NRG1: variants seen among roughly 807,000 people sequenced by gnomAD.
NRG1 encodes pro-neuregulin-1, membrane-bound isoform.
NRG1 carries 18 observed loss-of-function variants against 63.8 expected under a neutral mutation model. That is an observed-to-expected ratio of 0.28 (90% CI 0.19 to 0.42). NRG1 has a LOEUF of 0.42. NRG1 is among the 10% of genes least tolerant of loss of function. NRG1 has a pLI of 1.00. For missense variants in NRG1, 762 were observed against 814.7 expected, an observed-to-expected ratio of 0.94 and a Z score of 0.79; for synonymous variants, 302 against 301.3, an observed-to-expected ratio of 1.00 and a Z score of -0.02.
In NRG1 at chr8:31,787,345, G is replaced by T. The variant is rs112038819; in HGVS notation, c.37+147914G>T. Among the ~76,000 whole-genome samples the T allele has an allele frequency of 8.0e-4, 122 of 152,248 alleles. 1 individual carries two copies. The highest frequency in any genetic ancestry group is 2.8e-3 in the African/African-American group (118 of 41,550). On this transcript the variant is annotated intron_variant, in intron 1 of 10. Transcript: ENST00000519301. ...TTGCCCAGGCATTAGATTTTCTGTT[G>T]CAGTGATAGCAGGGATTTAAATAAT... is the stretch of plus-strand genomic sequence containing the variant.
chr8:32,378,550 G>A (rs4733320), intron 1 of NRG1, among the ~76,000 whole-genome samples: 137,881 of 152,174 alleles, frequency 0.91, 63,176 homozygotes, highest in Non-Finnish European at 0.95. Flanking sequence ...TTACAGGAAA[G>A]ATCAAGGGAT....
At chr8:32,152,380 C>T (rs1837599445) in intron 1 of NRG1, among the ~76,000 whole-genome samples, 1 of 152,116 alleles carries the variant, frequency 6.6e-6, no homozygotes, top group Admixed American at 6.5e-5. Flanking sequence ...TCAAACATGT[C>T]TAGAGTTATA....
At chr8:31,712,990 CA>C (rs1334517443) in intron 1 of NRG1, among the ~76,000 whole-genome samples, 2,726 of 42,978 alleles carry the variant, frequency 0.063, 70 homozygotes, top group African/African-American at 0.17. Flanking sequence ...TCCACCCATC[CA>C]TCCATCCATC....
At chr8:32,214,171 CAG>C (rs751285111) in intron 1 of NRG1, among the ~76,000 whole-genome samples, 6 of 152,198 alleles carry the variant, frequency 3.9e-5, no homozygotes, top group South Asian at 4.2e-4. Flanking sequence ...TTTAGGCAAA[CAG>C]GGGCAGGGCA....
chr8:32,273,507 A>G lies in NRG1; in HGVS notation c.38-322321A>G, dbSNP rs1293022354. On this transcript the variant is annotated intron_variant, in intron 1 of 10. Coordinates refer to the NRG1 transcript ENST00000519301. ...AAAGGCAGATGATTTTAGGGGATAAAAAACCTAAAATAAGAAGTGTTGCTA... is the reference window on the plus strand; with the variant it reads ...AAAGGCAGATGATTTTAGGGGATAAGAAACCTAAAATAAGAAGTGTTGCTA... 2.0e-5 allele frequency among the ~76,000 whole-genome samples: 3 copies of G among 152,306 alleles called. No homozygotes were observed. In the East Asian group the frequency reaches 5.8e-4, roughly 29 times the overall value.
At chr8:32,201,081 T>G (rs1287162165) in intron 1 of NRG1, among the ~76,000 whole-genome samples, 1 of 152,206 alleles carries the variant, frequency 6.6e-6, no homozygotes, top group Admixed American at 6.5e-5. Context: ...ACCTTGTCCA[T>G]ACACTTGTCA....
At chr8:32,252,138 T>A (rs571875215) in intron 1 of NRG1, among the ~76,000 whole-genome samples, 2 of 152,302 alleles carry the variant, frequency 1.3e-5, no homozygotes, top group South Asian at 4.1e-4. Context: ...TCTCTCATTC[T>A]GTAGGTTGCC....
chr8:32,567,884 T>TA (rs1228789963), intron 1 of NRG1, among the ~76,000 whole-genome samples: 1 of 152,218 alleles, frequency 6.6e-6, no homozygotes, highest in East Asian at 1.9e-4. Context: ...TTACTGCTGT[T>TA]AGAGTTCTGG....
chr8:32,116,223 C>T (rs575767190), intron 1 of NRG1, among the ~76,000 whole-genome samples: 91 of 152,256 alleles, frequency 6.0e-4, no homozygotes, highest in African/African-American at 2.2e-3. Flanking sequence ...TCTTTTCCTC[C>T]TGTACGACCT....
intron 1 of NRG1, among the ~76,000 whole-genome samples, chr8:31,918,717 A>T (rs886793580): frequency 6.6e-6 from 1 of 152,226 alleles, no homozygotes; most frequent in Non-Finnish European, 1.5e-5. Context: ...TTGGCCTCAT[A>T]AAATGAGTTA....
chr8:32,058,252 A>G (rs910003334), intron 1 of NRG1, among the ~76,000 whole-genome samples: 2 of 152,090 alleles, frequency 1.3e-5, no homozygotes, highest in South Asian at 4.1e-4. Context: ...CAAACTCATA[A>G]GTAAAGGGAC....
intron 1 of NRG1, among the ~76,000 whole-genome samples, chr8:31,980,789 A>G (rs1399786994): frequency 3.3e-5 from 5 of 151,988 alleles, no homozygotes; most frequent in Non-Finnish European, 2.9e-5. Flanking sequence ...ATTAATAGCA[A>G]TGTATTACTA....
chr8:31,810,330 T>A (rs1158881489), intron 1 of NRG1, among the ~76,000 whole-genome samples: 1 of 152,128 alleles, frequency 6.6e-6, no homozygotes, highest in Non-Finnish European at 1.5e-5. Flanking sequence ...ATAAATCAAG[T>A]TCCATCACTC....
At chr8:32,124,561 G>A (rs962983299) in intron 1 of NRG1, among the ~76,000 whole-genome samples, 13 of 151,872 alleles carry the variant, frequency 8.6e-5, no homozygotes, top group Non-Finnish European at 1.6e-4. Flanking sequence ...ACAATCACAT[G>A]TCAGGAAGGT....
intron 1 of NRG1, among the ~76,000 whole-genome samples, chr8:32,439,858 T>C (rs928412172): frequency 7.2e-6 from 1 of 139,074 alleles, no homozygotes; most frequent in African/African-American, 2.6e-5. Context: ...GCAGCCTTGA[T>C]CTTCTGGGCT....
intron 5 of NRG1, among the ~76,000 whole-genome samples, chr8:32,672,355 C>A (rs1657886344): frequency 6.6e-6 from 1 of 152,098 alleles, no homozygotes; most frequent in South Asian, 2.1e-4. Flanking sequence ...TCATCTTCTA[C>A]TTTTTTTATT....
At chr8:31,901,728 G>A (rs1210828599) in intron 1 of NRG1, among the ~76,000 whole-genome samples, 1 of 152,142 alleles carries the variant, frequency 6.6e-6, no homozygotes, top group Non-Finnish European at 1.5e-5. Context: ...TTGTAGTTTT[G>A]CAAAATATTC....
At chr8:32,152,725 C>CA (rs374947343) in intron 1 of NRG1, among the ~76,000 whole-genome samples, 52 of 151,732 alleles carry the variant, frequency 3.4e-4, no homozygotes, top group South Asian at 1.3e-3. Flanking sequence ...GTTAAATCCA[C>CA]AAAAAAAAGC....
At chr8:32,019,032 T>G (rs1332874149) in intron 1 of NRG1, among the ~76,000 whole-genome samples, 1 of 152,274 alleles carries the variant, frequency 6.6e-6, no homozygotes, top group Non-Finnish European at 1.5e-5. Flanking sequence ...ATCTTTTTAG[T>G]GAAGATGTTC....
Sources: allele counts gnomAD v4.1 joint callset (sites outside exome capture counted in the v4.1 genomes callset), GRCh38; gene constraint gnomAD v4.1.1; transcripts MANE v1.5; gene names NCBI Gene and HGNC (gene_info 2026-07-23, HGNC 2026-07-21).